Variants in RIMS1 observed in about 807,000 individuals in gnomAD.
RIMS1 encodes the protein regulating synaptic membrane exocytosis protein 1.
A neutral mutation model predicts 214.1 loss-of-function variants in RIMS1; 83 were observed. That is an observed-to-expected ratio of 0.39 (90% CI 0.32 to 0.47). The LOEUF (loss-of-function observed/expected upper bound fraction) is 0.47, where lower values mean the gene tolerates loss of function less well. Ranked by LOEUF, RIMS1 falls within the 20% of genes least tolerant of loss-of-function variation. The pLI, the probability that RIMS1 is intolerant of heterozygous loss-of-function variation, is 0.99. For missense variants in RIMS1, 2,050 were observed against 2,161.8 expected, an observed-to-expected ratio of 0.95 and a Z score of 1.03; for synonymous variants, 793 against 786.8, an observed-to-expected ratio of 1.01 and a Z score of -0.13.
At chr6:71,984,773 A>ATATCTATCTATC (rs70994108) in intron 2 of RIMS1, among the ~76,000 whole-genome samples, 14 of 146,742 alleles carry the variant, frequency 9.5e-5, no homozygotes, top group South Asian at 8.8e-4. Flanking sequence ...ATGTATGTAC[A>ATATCTATCTATC]TATCTATCTA....
chr6:72,274,685 G>C (rs1392463806), intron 23 of RIMS1, among the ~76,000 whole-genome samples: 1 of 152,130 alleles, frequency 6.6e-6, no homozygotes, highest in East Asian at 1.9e-4. Context: ...AAGAGCATTT[G>C]ATTGTGTTTT....
intron 24 of RIMS1, among the ~76,000 whole-genome samples, chr6:72,289,635 T>C (rs2093011930): frequency 6.6e-6 from 1 of 152,174 alleles, no homozygotes; most frequent in South Asian, 2.1e-4. Flanking sequence ...ATCAAAATCA[T>C]TATAGCTATA....
intron 4 of RIMS1, among the ~76,000 whole-genome samples, chr6:72,135,889 G>A (rs1347760355): frequency 6.6e-6 from 1 of 151,956 alleles, no homozygotes; most frequent in African/African-American, 2.4e-5. Context: ...TAGAAGATGG[G>A]GACCTTTAGA....
chr6:72,243,199 T>A (rs2067756088), intron 10 of RIMS1, among the ~76,000 whole-genome samples: 1 of 151,720 alleles, frequency 6.6e-6, no homozygotes, highest in Non-Finnish European at 1.5e-5. Flanking sequence ...TTCCCTATTC[T>A]CCAAAATTTA....
intron 24 of RIMS1, 96 bp from the exon 25 acceptor site, chr6:72,290,583 T>A (rs751936012): frequency 6.0e-6 from 6 of 1,004,290 alleles, no homozygotes; most frequent in African/African-American, 1.6e-5. Context: ...ATTACTGTCA[T>A]GTACGAGTAA....
At chr6:72,041,998 G>A (rs1821578266) in intron 2 of RIMS1, among the ~76,000 whole-genome samples, 1 of 151,862 alleles carries the variant, frequency 6.6e-6, no homozygotes, top group African/African-American at 2.4e-5. Context: ...TTCTCCCCAT[G>A]ATAGGAAAAT....
chr6:72,223,615 G>A (rs1457943683), intron 6 of RIMS1, among the ~76,000 whole-genome samples: 7 of 152,106 alleles, frequency 4.6e-5, no homozygotes, highest in Non-Finnish European at 8.8e-5. Flanking sequence ...ACAAAAAAGT[G>A]TAATTCATTA....
intron 29 of RIMS1, among the ~76,000 whole-genome samples, chr6:72,378,289 A>C (rs2098424976): frequency 6.6e-6 from 1 of 152,236 alleles, no homozygotes; most frequent in Non-Finnish European, 1.5e-5. Flanking sequence ...ACAATACTGC[A>C]TAGCTTCTAT....
chr6:72,036,664 A>G (rs941198636), intron 2 of RIMS1, among the ~76,000 whole-genome samples: 2 of 152,310 alleles, frequency 1.3e-5, no homozygotes, highest in African/African-American at 4.8e-5. Context: ...GCAACCACAT[A>G]TTTAACACTA....
chr6:72,328,004 C>G (rs2154332419), intron 28 of RIMS1, among the ~76,000 whole-genome samples: 1 of 151,954 alleles, frequency 6.6e-6, no homozygotes, highest in Non-Finnish European at 1.5e-5. Flanking sequence ...GACACATGCA[C>G]AAGTATGTTT....
chr6:72,335,849 T>C (rs1390569294), intron 29 of RIMS1, among the ~76,000 whole-genome samples: 1 of 151,962 alleles, frequency 6.6e-6, no homozygotes, highest in Non-Finnish European at 1.5e-5. Flanking sequence ...TTTTCATACG[T>C]TTGTTGGCCA....
chr6:71,936,497 A>G (rs993073951), intron 1 of RIMS1, among the ~76,000 whole-genome samples: 6 of 152,134 alleles, frequency 3.9e-5, no homozygotes, highest in African/African-American at 1.4e-4. Context: ...AAACCAATAA[A>G]ATGCCCACAC....
chr6:72,041,474 G>A (rs928593041), intron 2 of RIMS1, among the ~76,000 whole-genome samples: 7 of 151,806 alleles, frequency 4.6e-5, no homozygotes, highest in African/African-American at 9.7e-5. Flanking sequence ...ATTAAAAAGC[G>A]GAAAAATGAG....
intron 3 of RIMS1, among the ~76,000 whole-genome samples, chr6:72,097,523 T>A (rs184100856): frequency 2.0e-5 from 3 of 152,356 alleles, no homozygotes; most frequent in Admixed American, 6.5e-5. Flanking sequence ...TAACTACTTT[T>A]GATTTCTGTA....
chr6:72,142,341 T>G (rs2042177289), intron 4 of RIMS1, among the ~76,000 whole-genome samples: 2 of 152,068 alleles, frequency 1.3e-5, no homozygotes, highest in African/African-American at 4.8e-5. Flanking sequence ...ATTTTTTCCT[T>G]GGAACAAAAT....
At chr6:72,373,455 G>A (rs2098279199) in intron 29 of RIMS1, among the ~76,000 whole-genome samples, 1 of 152,078 alleles carries the variant, frequency 6.6e-6, no homozygotes, top group African/African-American at 2.4e-5. Context: ...ACATTTTTGT[G>A]TGTGATTAAC....
Position 72,265,416 on chromosome 6 carries a change from C to T in RIMS1, c.3221C>T (p.Thr1074Ile), listed in dbSNP as rs779032928. ...TCAATTCTGCCTGCACATACTAAGA[C>T]CAAATCAGTGACTAGACAGGACATT... Reference protein sequence around the residue: ...YSSILPAHTKTKSVTRQDISL... With the variant: ...YSSILPAHTKIKSVTRQDISL... The change falls in exon 21 of 34, where the codon ACC (threonine) becomes ATC (isoleucine). Residue 1074 changes from threonine (T) to isoleucine (I), a missense_variant. Coordinates refer to ENST00000521978, the MANE Select transcript of RIMS1 (RefSeq NM_014989.7). The T allele has an allele frequency of 8.1e-6, 13 of 1,606,804 alleles. No individual in the cohort carries two copies. In the South Asian group the frequency reaches 1.0e-4, roughly 12 times the overall value.
chr6:71,994,794 CT>C (rs1802883954), intron 2 of RIMS1, among the ~76,000 whole-genome samples: 1 of 152,104 alleles, frequency 6.6e-6, no homozygotes, highest in Non-Finnish European at 1.5e-5. Context: ...TAATTTCTCC[CT>C]TAAATTATGT....
At chr6:72,040,324 T>G (rs561291038) in intron 2 of RIMS1, among the ~76,000 whole-genome samples, 226 of 152,112 alleles carry the variant, frequency 1.5e-3, no homozygotes, top group Non-Finnish European at 2.4e-3. Context: ...GGACCTAAAG[T>G]GAAAGCAATA....
Sources: gnomAD v4.1 joint callset for allele counts (sites outside exome capture counted in the v4.1 genomes callset) on GRCh38, gnomAD v4.1.1 for gene constraint, MANE v1.5 for transcripts, NCBI Gene and HGNC (gene_info 2026-07-23, HGNC 2026-07-21) for gene names.